The following CHODL variants were observed in gnomAD, a reference collection of about 807,000 sequenced individuals.
CHODL encodes transmembrane protein MT75.
CHODL carries 29 observed loss-of-function variants against 34.5 expected under a neutral mutation model. The observed-to-expected ratio is 0.84, with a 90% CI of 0.63 to 1.15. The LOEUF (loss-of-function observed/expected upper bound fraction) is 1.15. CHODL is among the 50% of genes most tolerant of loss of function. CHODL has a pLI of 0.00. For missense variants in CHODL, 332 were observed against 332.5 expected (o/e 1.00, Z 0.01); for synonymous variants, 125 against 116.1 (o/e 1.08, Z -0.49).
chr21:17,998,230 G>A lies in CHODL; in HGVS notation c.-144-29642G>A, dbSNP rs147774760. 4.1e-4 allele frequency among the ~76,000 whole-genome samples: 63 copies of A among 152,284 alleles called. 1 individual carries two copies. In the East Asian group the frequency reaches 0.012, roughly 29 times the overall value. ...CCAAAATGATCTCCTTTGACTTCAG[G>A]TCTCACACCCAGGTCATGCTGATGC... On this transcript the variant is annotated intron_variant, in intron 1 of 6. Transcript: ENST00000400127.
At chr21:18,077,770 G>A (rs1336543688) in intron 2 of CHODL, among the ~76,000 whole-genome samples, 2 of 152,102 alleles carry the variant, frequency 1.3e-5, no homozygotes, top group South Asian at 2.1e-4. Context: ...CAAGCCTCCC[G>A]AATTGTGAGA....
intron 2 of CHODL, among the ~76,000 whole-genome samples, chr21:18,146,210 A>T (rs1480785495): frequency 6.6e-6 from 1 of 150,576 alleles, no homozygotes. Flanking sequence ...ATCTCCTGAC[A>T]TCGTTATCCG....
At chr21:18,076,315 A>G (rs1451416811) in intron 2 of CHODL, among the ~76,000 whole-genome samples, 1 of 152,204 alleles carries the variant, frequency 6.6e-6, no homozygotes, top group Non-Finnish European at 1.5e-5. Context: ...AATGAGGAAC[A>G]TGTTATTGGA....
chr21:18,177,385 C>G (rs959112780), intron 2 of CHODL, among the ~76,000 whole-genome samples: 1 of 152,062 alleles, frequency 6.6e-6, no homozygotes, highest in Non-Finnish European at 1.5e-5. Context: ...ACTCTAGAGT[C>G]TAGCTCTTTC....
At chr21:18,236,475 G>T (rs1283075371) in intron 2 of CHODL, among the ~76,000 whole-genome samples, 1 of 151,996 alleles carries the variant, frequency 6.6e-6, no homozygotes, top group African/African-American at 2.4e-5. Flanking sequence ...TTTATTGATT[G>T]AAACTCTGAC....
intron 1 of CHODL, among the ~76,000 whole-genome samples, chr21:17,957,585 C>T (rs1170902564): frequency 6.6e-6 from 1 of 152,032 alleles, no homozygotes; most frequent in African/African-American, 2.4e-5. Context: ...TTTATATAAG[C>T]CTTTTGTATT....
chr21:18,021,959 G>A (rs546835191), intron 1 of CHODL, among the ~76,000 whole-genome samples: 2 of 152,258 alleles, frequency 1.3e-5, no homozygotes, highest in South Asian at 2.1e-4. Flanking sequence ...TTAGAGGTGA[G>A]GCCTTTGGGA....
chr21:17,973,594 T>G (rs538168696), intron 1 of CHODL, among the ~76,000 whole-genome samples: 30,065 of 150,362 alleles, frequency 0.2, 3,582 homozygotes, highest in African/African-American at 0.33. Flanking sequence ...TTTTTTGTAT[T>G]TTTTTTTAGT....
At chr21:18,260,167 A>ATT (rs748131538) in intron 3 of CHODL, 33 bp from the exon 4 acceptor site, 1 of 977,480 alleles carries the variant, frequency 1.0e-6, no homozygotes, top group East Asian at 2.9e-5. Context: ...TTGTTTAATC[A>ATT]TTATATATGA....
chr21:18,137,850 A>T (rs1411626321), intron 2 of CHODL, among the ~76,000 whole-genome samples: 1 of 152,120 alleles, frequency 6.6e-6, no homozygotes, highest in Non-Finnish European at 1.5e-5. Context: ...GCTTATATGG[A>T]TGTACATCTA....
chr21:17,999,675 T>A (rs910655540), intron 1 of CHODL, among the ~76,000 whole-genome samples: 1 of 152,200 alleles, frequency 6.6e-6, no homozygotes, highest in Non-Finnish European at 1.5e-5. Flanking sequence ...ATGAGACTTA[T>A]TCACTATCAC....
rs61176066 is a variant in CHODL, at chr21:18,151,082, CAAAAAAAAAAA to C, written c.-44-105414_-44-105404del. On this transcript the variant is annotated intron_variant, in intron 2 of 6. Coordinates refer to the CHODL transcript ENST00000400127. ...TGGGCGACAGAGCGAGACTCTGTGT[CAAAAAAAAAAA>C]AAAAAAAAAAAAGAAAGAAATTCTC... Among the ~76,000 whole-genome samples, 12 of 122,990 alleles carry C rather than the reference CAAAAAAAAAAA, an allele frequency of 9.8e-5. No homozygotes were observed. In the South Asian group the frequency reaches 1.1e-3, roughly 11 times the overall value. 80.7% of individuals were successfully genotyped at this position (122,990 alleles called of 152,430 possible).
intron 2 of CHODL, among the ~76,000 whole-genome samples, chr21:18,128,225 T>C (rs2072601366): frequency 7.4e-6 from 1 of 135,064 alleles, no homozygotes; most frequent in Non-Finnish European, 1.5e-5. Flanking sequence ...GGTGTGAACC[T>C]GGGAGGTGGA....
At chr21:18,181,543 C>CA (rs1432042492) in intron 2 of CHODL, among the ~76,000 whole-genome samples, 1 of 152,218 alleles carries the variant, frequency 6.6e-6, no homozygotes, top group Non-Finnish European at 1.5e-5. Context: ...GCTGGAACTA[C>CA]AGGCGCCCGC....
intron 2 of CHODL, among the ~76,000 whole-genome samples, chr21:18,059,782 G>C (rs184316986): frequency 6.6e-6 from 1 of 152,218 alleles, no homozygotes. Flanking sequence ...TCACTTATAA[G>C]CGGGGAGTGA....
intron 2 of CHODL, among the ~76,000 whole-genome samples, chr21:18,188,133 T>C (rs994328317): frequency 3.3e-5 from 5 of 152,100 alleles, no homozygotes; most frequent in Non-Finnish European, 5.9e-5. Context: ...TTTGGAAGCA[T>C]ACTTTTCTCT....
chr21:18,055,862 C>T (rs368668857), intron 2 of CHODL, among the ~76,000 whole-genome samples: 15 of 152,002 alleles, frequency 9.9e-5, no homozygotes, highest in African/African-American at 3.6e-4. Flanking sequence ...TCTTGGTCAT[C>T]GTTACCTGAA....
chr21:18,235,957 A>G (rs917874564), intron 2 of CHODL, among the ~76,000 whole-genome samples: 1 of 152,170 alleles, frequency 6.6e-6, no homozygotes, highest in African/African-American at 2.4e-5. Flanking sequence ...TCTGTTGGTT[A>G]TTAAGTAAGA....
chr21:18,006,154 C>T (rs1045311058), intron 1 of CHODL, among the ~76,000 whole-genome samples: 7 of 152,262 alleles, frequency 4.6e-5, no homozygotes, highest in South Asian at 2.1e-4. Flanking sequence ...GAGGCTTCCC[C>T]AGCCACGTTG....
Sources: allele counts gnomAD v4.1 joint callset (sites outside exome capture counted in the v4.1 genomes callset), GRCh38; gene constraint gnomAD v4.1.1; transcripts MANE v1.5; gene names NCBI Gene and HGNC (gene_info 2026-07-23, HGNC 2026-07-21).